Variants in ANXA11 observed in about 807,000 individuals in gnomAD.
ANXA11 encodes annexin A11.
ANXA11 carries 57 observed loss-of-function variants against 64.7 expected under a neutral mutation model. The observed-to-expected ratio is 0.88, with a 90% CI of 0.71 to 1.10. The LOEUF is 1.10. ANXA11 is among the 50% of genes least tolerant of loss of function. ANXA11 has a pLI of 0.00. For missense variants in ANXA11, 675 were observed against 670.7 expected (o/e 1.01, Z -0.07); for synonymous variants, 260 against 265.2 (o/e 0.98, Z 0.19).
intron 1 of ANXA11, among the ~76,000 whole-genome samples, chr10:80,188,630 C>G (rs1164631341): frequency 6.6e-6 from 1 of 151,816 alleles, no homozygotes; most frequent in South Asian, 2.1e-4. Flanking sequence ...GTGTGACCCC[C>G]CTGGGCAACT....
At position 80,161,977 on chromosome 10, in the gene ANXA11, T is replaced by C. The variant is rs1208869888; in HGVS notation, c.1138A>G (p.Asn380Asp). Reference protein sequence around the residue: ...NRLGTDESKFNAVLCSRSRAH... With the variant: ...NRLGTDESKFDAVLCSRSRAH... ...CGGCTCCGGGAGCACAGAACCGCAT[T>C]GAACTTGGACTCGTCTGTTCCCAGG... The change falls in exon 12 of 16, where the codon AAT (asparagine) becomes GAT (aspartate). Residue 380 changes from asparagine to aspartate, a missense_variant. Transcript: ENST00000422982. 1.9e-6 allele frequency: 3 copies of C among 1,612,824 alleles called. No individual in the cohort carries two copies. Among genetic ancestry groups the C allele is most frequent in the Non-Finnish European group, 2.5e-6 (3 of 1,179,882 alleles).
rs1365558415 is a variant in ANXA11, at chr10:80,166,961, C to T, written c.673G>A (p.Asp225Asn). The T allele has an allele frequency of 1.9e-6, 3 of 1,605,686 alleles. No individual in the cohort carries two copies. Among genetic ancestry groups the T allele is most frequent in the South Asian group, 1.1e-5 (1 of 89,672 alleles). The part of the protein sequence containing the change: ...GFGTDEQAII[D>N]CLGSRSNKQR... Reference sequence around the variant, plus strand: ...TTGTTGGAGCGACTCCCCAGGCAGTCAATGATGGCCTGCTCATCCGTCCCT... The same window carrying T: ...TTGTTGGAGCGACTCCCCAGGCAGTTAATGATGGCCTGCTCATCCGTCCCT... The change falls in exon 7 of 16, where the codon GAC (aspartate) becomes AAC (asparagine). Residue 225 changes from aspartate to asparagine, a missense_variant. Transcript: ENST00000422982.
At chr10:80,186,585 C>T (rs552630764) in intron 1 of ANXA11, among the ~76,000 whole-genome samples, 1 of 152,286 alleles carries the variant, frequency 6.6e-6, no homozygotes, top group South Asian at 2.1e-4. Context: ...AGTAAACCTG[C>T]CTGGGAGAGG....
At chr10:80,166,012 A>G (rs1845704062) in intron 8 of ANXA11, 72 bp downstream of exon 8, 6 of 930,742 alleles carry the variant, frequency 6.4e-6, no homozygotes, top group Admixed American at 2.1e-5. Context: ...CTGTGTGTCC[A>G]CACGCATGCG....
At chr10:80,196,517 G>A (rs1309655671) in intron 1 of ANXA11, among the ~76,000 whole-genome samples, 1 of 152,106 alleles carries the variant, frequency 6.6e-6, no homozygotes, top group Non-Finnish European at 1.5e-5. Context: ...ACACATCTAG[G>A]ACATTCCCCT....
chr10:80,156,367 A>C, intron 15 of ANXA11: 1 of 471,820 alleles, frequency 2.1e-6, no homozygotes, highest in Non-Finnish European at 4.4e-6. Flanking sequence ...GTCTGAGGCC[A>C]CTACACTTAC....
At chr10:80,199,716 G>A (rs1840337735) in intron 1 of ANXA11, among the ~76,000 whole-genome samples, 2 of 152,202 alleles carry the variant, frequency 1.3e-5, no homozygotes, top group African/African-American at 4.8e-5. Context: ...AAACATATAT[G>A]TTGAAGACTT....
At chr10:80,194,772 A>C (rs7915125) in intron 1 of ANXA11, among the ~76,000 whole-genome samples, 25 of 152,188 alleles carry the variant, frequency 1.6e-4, no homozygotes, top group African/African-American at 5.8e-4. Context: ...AAAGGGCTGC[A>C]AAAGGGAGAC....
intron 11 of ANXA11, among the ~76,000 whole-genome samples, chr10:80,162,841 G>A (rs2132383383): frequency 6.6e-6 from 1 of 152,252 alleles, no homozygotes; most frequent in South Asian, 2.1e-4. Context: ...TTCATTAGTG[G>A]GAAACCCAAA....
chr10:80,192,408 C>A (rs1239546973), intron 1 of ANXA11, among the ~76,000 whole-genome samples: 1 of 151,294 alleles, frequency 6.6e-6, no homozygotes, highest in Non-Finnish European at 1.5e-5. Context: ...GAAAAGGAAC[C>A]AAAGAAACAG....
rs1056970286 is a variant in ANXA11 at position 80,155,669 on chromosome 10, G to C, written c.*184C>G. 375 of 639,882 alleles carry C rather than the reference G, an allele frequency of 5.9e-4. 1 individual carries two copies. The highest frequency in any genetic ancestry group is 8.3e-5 in the Non-Finnish European group (30 of 361,836). 39.6% of individuals were successfully genotyped at this position (639,882 alleles called of 1,614,324 possible). ...GGGGTAGAAAAGGCATCCTGAGAGA[G>C]TTCTAGACCGACCCAGGTCCTGTGG... On this transcript the variant is annotated 3_prime_UTR_variant, in exon 16 of 16. Coordinates refer to ENST00000422982, the MANE Select transcript of ANXA11 (RefSeq NM_145868.2).
intron 9 of ANXA11, among the ~76,000 whole-genome samples, 185 bp from the exon 10 acceptor site, chr10:80,163,798 G>C (rs1845617724): frequency 6.6e-6 from 1 of 152,156 alleles, no homozygotes; most frequent in Non-Finnish European, 1.5e-5. Context: ...GGCTGACCTG[G>C]CCTCTAGTCA....
intron 2 of ANXA11, among the ~76,000 whole-genome samples, chr10:80,175,052 T>C (rs1174424991): frequency 6.6e-6 from 1 of 152,182 alleles, no homozygotes; most frequent in Non-Finnish European, 1.5e-5. Context: ...GACCTACTCC[T>C]TGCAGTTTTC....
chr10:80,158,836 C>A (rs112056706), intron 13 of ANXA11, among the ~76,000 whole-genome samples: 1 of 152,318 alleles, frequency 6.6e-6, no homozygotes, highest in African/African-American at 2.4e-5. Context: ...GATGCCCTCC[C>A]ACTAATACCC....
At chr10:80,180,215 G>A (rs759079739) in intron 1 of ANXA11, among the ~76,000 whole-genome samples, 2 of 152,176 alleles carry the variant, frequency 1.3e-5, no homozygotes, top group African/African-American at 2.4e-5. Flanking sequence ...TCACTGCCCC[G>A]ACTCAGTCAT....
Position 80,166,082 on chromosome 10 carries a change from A to T in ANXA11, c.858+2T>A. On this transcript the variant is annotated splice_donor_variant, in intron 8 of 15. Coordinates refer to ENST00000422982, the MANE Select transcript of ANXA11 (RefSeq NM_145868.2). LOFTEE classifies it high-confidence loss of function. ...CACACACACACACACACACGTACAC[A>T]CCTTGATGGCTTCCTTTATCTCATA... 1 of 1,547,298 alleles carries T rather than the reference A, an allele frequency of 6.5e-7. No individual in the cohort carries two copies. The highest frequency in any genetic ancestry group is 8.9e-7 in the Non-Finnish European group (1 of 1,122,722).
chr10:80,188,511 A>ATATATATATATATT (rs1554834982), intron 1 of ANXA11, among the ~76,000 whole-genome samples: 1 of 126,504 alleles, frequency 7.9e-6, no homozygotes, highest in Non-Finnish European at 1.7e-5. Context: ...ATATATATAT[A>ATATATATATATATT]GCACTACAAC....
Position 80,163,520 on chromosome 10 carries a change from C to T in ANXA11, c.1029+14G>A, listed in dbSNP as rs2573347. On this transcript the variant is annotated intron_variant, in intron 10 of 15. Coordinates refer to ENST00000422982, the MANE Select transcript of ANXA11 (RefSeq NM_145868.2). Reference sequence around the variant, plus strand: ...ATGGCTTGGGGGCCCCGAGCCCTGTCGTGGGAAAAGTACCTGAGAGAGAGA... The same window carrying T: ...ATGGCTTGGGGGCCCCGAGCCCTGTTGTGGGAAAAGTACCTGAGAGAGAGA... The T allele has an allele frequency of 8.8e-6, 14 of 1,589,780 alleles. No homozygotes were observed. The highest frequency in any genetic ancestry group is 2.3e-5 in the East Asian group (1 of 43,956).
chr10:80,200,789 G>A (rs11596730), intron 1 of ANXA11, among the ~76,000 whole-genome samples: 27,365 of 152,138 alleles, frequency 0.18, 2,904 homozygotes, highest in Non-Finnish European at 0.25. Flanking sequence ...CCAGCACTTT[G>A]GGAGGCTGAG....
Sources: gnomAD v4.1 joint callset for allele counts (sites outside exome capture counted in the v4.1 genomes callset) on GRCh38, gnomAD v4.1.1 for gene constraint, MANE v1.5 for transcripts, NCBI Gene and HGNC (gene_info 2026-07-23, HGNC 2026-07-21) for gene names.